The following INSR variants were observed in gnomAD, a reference collection of about 807,000 sequenced individuals.
The protein encoded by INSR is IR.
Under a neutral mutation model 142.6 loss-of-function variants are expected in INSR, and 67 were observed. The observed-to-expected ratio is 0.47, with a 90% confidence interval of 0.39 to 0.58. The LOEUF (loss-of-function observed/expected upper bound fraction) is 0.58, where lower values mean the gene tolerates loss of function less well. INSR is among the 20% of genes least tolerant of loss of function. The probability of loss-of-function intolerance (pLI) is 0.00; values close to 1 mark genes in which losing one functional copy is unlikely to be tolerated. For synonymous variants in INSR, 756 were observed against 743.1 expected, an observed-to-expected ratio of 1.02 and a Z score of -0.28; for missense variants, 1,248 against 1,833.2, an observed-to-expected ratio of 0.68 and a Z score of 5.83.
intron 2 of INSR, among the ~76,000 whole-genome samples, chr19:7,241,179 T>G (rs1600080469): frequency 9.3e-5 from 1 of 10,714 alleles, no homozygotes; most frequent in African/African-American, 5.0e-4. Flanking sequence ...TTTATTTTGT[T>G]TTTTTTTTTT....
chr19:7,137,654 C>T (rs1972966092), intron 13 of INSR, among the ~76,000 whole-genome samples: 1 of 151,482 alleles, frequency 6.6e-6, no homozygotes, highest in Non-Finnish European at 1.5e-5. Context: ...TGGGTGTGGT[C>T]GTGGGTGCCT....
chr19:7,166,310 C>T lies in INSR; in HGVS notation c.1705G>A (p.Asp569Asn), dbSNP rs762169820. ...VDIDPPLRSN[D>N]PKSQNHPGWL... ...CCTGGGTGGTTCTGTGATTTGGGGTCGTTGGACCTCAGGGGTGGGTCAATG... is the reference window on the plus strand; with the variant it reads ...CCTGGGTGGTTCTGTGATTTGGGGTTGTTGGACCTCAGGGGTGGGTCAATG... The change falls in exon 8 of 22, where the codon GAC becomes AAC. Residue 569 changes from aspartate to asparagine, a missense_variant. By Grantham distance (23) the Asp-to-Asn change is conservative (BLOSUM62 1). This residue lies in a region of INSR where 1,069 missense variants were observed against 1,654.0 expected (regional missense o/e 0.65). Coordinates refer to ENST00000302850, the MANE Select transcript of INSR (RefSeq NM_000208.4). The surrounding 1 kb of genome is among the most constrained non-coding windows in gnomAD (Gnocchi z 4.1). The T allele has an allele frequency of 2.5e-6, 4 of 1,614,144 alleles. No homozygotes were observed. Among genetic ancestry groups the T allele is most frequent in the Non-Finnish European group, 3.4e-6 (4 of 1,180,034 alleles).
At chr19:7,170,424 G>A (rs756945426) in intron 6 of INSR, 113 bp downstream of exon 6, 14 of 775,382 alleles carry the variant, frequency 1.8e-5, no homozygotes, top group Non-Finnish European at 3.0e-5. Flanking sequence ...CATAGTAAAT[G>A]TAATGCACTT....
rs1182387444 is a variant in INSR, at chr19:7,267,463, G to A, written c.534C>T (p.Asp178=). The stretch of plus-strand genomic sequence containing the variant: ...GACAGATGTCTCCACACTCCTCGTT[G>A]TCATCTTTGTTCAACACGATGTAAT... ...EDNYIVLNKD[D]NEECGDICPG... is the part of the protein sequence containing the mutation. Residue 178 remains aspartate, a synonymous_variant, in exon 2 of 22, where the codon GAC becomes GAT. Transcript: ENST00000302850. This position sits in a 1 kb window ranked among gnomAD's most constrained non-coding sequence, Gnocchi z 6.3. 2 of 1,614,066 alleles carry A rather than the reference G, an allele frequency of 1.2e-6. No individual in the cohort carries two copies.
intron 2 of INSR, among the ~76,000 whole-genome samples, chr19:7,197,113 G>A (rs1231134257): frequency 6.6e-6 from 1 of 152,218 alleles, no homozygotes; most frequent in Admixed American, 6.5e-5. Flanking sequence ...TTCGTGGTCA[G>A]CAGCGACGAC....
chr19:7,289,795 T>G (rs1968444245), intron 1 of INSR, among the ~76,000 whole-genome samples: 1 of 152,074 alleles, frequency 6.6e-6, no homozygotes, highest in Non-Finnish European at 1.5e-5. Context: ...TGCAGAGACG[T>G]GCCTGGCAAT....
chr19:7,276,578 GTC>G (rs1968069252), intron 1 of INSR, among the ~76,000 whole-genome samples: 1 of 152,056 alleles, frequency 6.6e-6, no homozygotes, highest in Non-Finnish European at 1.5e-5. Flanking sequence ...GGGTTCTGGT[GTC>G]AGGCCACCAC....
At chr19:7,223,886 A>G (rs1199256234) in intron 2 of INSR, among the ~76,000 whole-genome samples, 3 of 152,080 alleles carry the variant, frequency 2.0e-5, no homozygotes, top group Non-Finnish European at 2.9e-5. Context: ...ATATTACTCT[A>G]TTAAACCCAA....
chr19:7,114,858 T>C lies in INSR; in HGVS notation c.*2198A>G, dbSNP rs989895837. ...TGTGAAAATTGCAGCTAGTGTAGTATACAACCACTACAAATTTACTAAGAA... is the reference window on the plus strand; with the variant it reads ...TGTGAAAATTGCAGCTAGTGTAGTACACAACCACTACAAATTTACTAAGAA... On this transcript the variant is annotated 3_prime_UTR_variant, in exon 22 of 22. Coordinates refer to ENST00000302850, the MANE Select transcript of INSR (RefSeq NM_000208.4). 1.3e-5 allele frequency: 2 copies of C among 152,006 alleles called. No individual in the cohort carries two copies. The highest frequency in any genetic ancestry group is 1.5e-5 in the Non-Finnish European group (1 of 68,016). The allele number at this position is 152,006 out of a possible 1,614,324, so 9.4% of individuals were successfully genotyped here.
rs373617042 is a variant in INSR at position 7,256,528 on chromosome 19, G to C, written c.652+10817C>G. The stretch of plus-strand genomic sequence containing the variant: ...ATAATATAATGCAACAGTTTGGGAG[G>C]TTGAAGCAGGTGGATTGCTTGGGCC... On this transcript the variant is annotated intron_variant, in intron 2 of 21. Coordinates refer to ENST00000302850, the MANE Select transcript of INSR (RefSeq NM_000208.4). 7.9e-5 allele frequency among the ~76,000 whole-genome samples: 12 copies of C among 152,180 alleles called. No individual in the cohort carries two copies. The East Asian group carries it at 1.9e-3, about 24-fold the overall frequency.
chr19:7,272,170 G>A (rs1967943697), intron 1 of INSR, among the ~76,000 whole-genome samples: 1 of 152,142 alleles, frequency 6.6e-6, no homozygotes, highest in South Asian at 2.1e-4. Flanking sequence ...GCTGGGCATG[G>A]TGGCGAGTGC....
chr19:7,157,050 G>A (rs143908875), intron 9 of INSR, among the ~76,000 whole-genome samples: 4,902 of 152,116 alleles, frequency 0.032, 256 homozygotes, highest in African/African-American at 0.11. Flanking sequence ...GCGCTATCTC[G>A]GCTCACTGCA....
In INSR at chr19:7,192,273, AAAAGAAAAGAAAAGAAAAGAAAAG is replaced by A. The variant is rs1974621863; in HGVS notation, c.653-7660_653-7637del. ...GGAAGAAAAGAAAAGAAAAGAAAAGAAAAGAAAAGAAAAGAAAAGAAAAGAAAAGAAAAGAAAAAAATCACAGGC... is the reference window on the plus strand; with the variant it reads ...GGAAGAAAAGAAAAGAAAAGAAAAGAAAAAGAAAAGAAAAAAATCACAGGC... On this transcript the variant is annotated intron_variant, in intron 2 of 21. Coordinates refer to ENST00000302850, the MANE Select transcript of INSR (RefSeq NM_000208.4). The surrounding 1 kb of genome is among the most constrained non-coding windows in gnomAD (Gnocchi z 4.2). Among the ~76,000 whole-genome samples the A allele has an allele frequency of 7.3e-6, 1 of 136,472 alleles. No individual in the cohort carries two copies. The highest frequency in any genetic ancestry group is 1.6e-5 in the Non-Finnish European group (1 of 64,256). 89.5% of individuals were successfully genotyped at this position (136,472 alleles called of 152,430 possible). A position where few individuals can be genotyped will look rare whatever the true frequency, so the allele number is the denominator to read the frequency against.
At chr19:7,283,024 T>G (rs1372264146) in intron 1 of INSR, among the ~76,000 whole-genome samples, 2 of 150,732 alleles carry the variant, frequency 1.3e-5, no homozygotes, top group African/African-American at 4.9e-5. Context: ...TGAGACCCCA[T>G]CTCTACTAAA....
intron 13 of INSR, among the ~76,000 whole-genome samples, chr19:7,135,338 G>A (rs1310987341): frequency 1.9e-5 from 2 of 103,312 alleles, no homozygotes; most frequent in African/African-American, 7.0e-5. Context: ...TTTTGGAGAC[G>A]GAGTTTCGCT....
chr19:7,207,415 TCAAAA>T (rs887233293), intron 2 of INSR, among the ~76,000 whole-genome samples: 4 of 151,234 alleles, frequency 2.6e-5, no homozygotes, highest in East Asian at 2.0e-4. Context: ...AGACTCCATC[TCAAAA>T]CAAAACAAAA....
intron 20 of INSR, among the ~76,000 whole-genome samples, chr19:7,120,167 G>A (rs2144798756): frequency 6.6e-6 from 1 of 152,306 alleles, no homozygotes; most frequent in Middle Eastern, 3.4e-3. Context: ...TCAAAAGAAT[G>A]CAACCATTTG....
chr19:7,138,894 A>T (rs1249485449), intron 13 of INSR, among the ~76,000 whole-genome samples: 1 of 152,170 alleles, frequency 6.6e-6, no homozygotes, highest in Non-Finnish European at 1.5e-5. Flanking sequence ...CTTTGCAATT[A>T]TGGCCCCCAG....
chr19:7,239,954 A>C (rs148732018), intron 2 of INSR, among the ~76,000 whole-genome samples: 1 of 152,264 alleles, frequency 6.6e-6, no homozygotes, highest in East Asian at 1.9e-4. Flanking sequence ...GTTTTTTTTG[A>C]GACGGAGTCT....
Sources: allele counts gnomAD v4.1 joint callset (sites outside exome capture counted in the v4.1 genomes callset), GRCh38; gene constraint gnomAD v4.1.1; regional missense constraint gnomAD v4.1.1; non-coding constraint Gnocchi (gnomAD v3.1); transcripts MANE v1.5; gene names NCBI Gene and HGNC (gene_info 2026-07-23, HGNC 2026-07-21).